NPAS3: variants seen among roughly 807,000 people sequenced by gnomAD.
NPAS3 encodes neuronal PAS domain protein 3.
In NPAS3, 14 loss-of-function variants were observed where a neutral mutation model predicts 73.1. The ratio of observed to expected loss-of-function variants is 0.19; its 90% confidence interval spans 0.13 to 0.30. The LOEUF (loss-of-function observed/expected upper bound fraction) is 0.30, where lower values mean the gene tolerates loss of function less well. Among genes scored for constraint, NPAS3 ranks in the 10% least tolerant of loss-of-function variants. The pLI is 1.00. For missense variants in NPAS3, 1,096 were observed against 1,250.0 expected (o/e 0.88, Z 1.86); for synonymous variants, 620 against 541.5 (o/e 1.14, Z -2.01).
intron 4 of NPAS3, among the ~76,000 whole-genome samples, chr14:33,431,386 A>T (rs2048777410): frequency 6.6e-6 from 1 of 152,154 alleles, no homozygotes; most frequent in South Asian, 2.1e-4. Flanking sequence ...AATTACTTAA[A>T]CATAAAAAAT....
At chr14:33,191,252 TATC>T (rs1425163044) in intron 2 of NPAS3, among the ~76,000 whole-genome samples, 1 of 152,216 alleles carries the variant, frequency 6.6e-6, no homozygotes, top group African/African-American at 2.4e-5. Flanking sequence ...TATCAGTAGA[TATC>T]ATAAAGTATT....
At chr14:33,789,852 G>C (rs2063304504) in intron 9 of NPAS3, among the ~76,000 whole-genome samples, 1 of 151,962 alleles carries the variant, frequency 6.6e-6, no homozygotes, top group Admixed American at 6.5e-5. Context: ...GCCTCCCAAA[G>C]TGCTGGGATT....
At chr14:33,034,901 G>A (rs1595286393) in intron 1 of NPAS3, among the ~76,000 whole-genome samples, 1 of 152,206 alleles carries the variant, frequency 6.6e-6, no homozygotes, top group East Asian at 1.9e-4. Context: ...AGCAATTCTG[G>A]TTCTTTGGAA....
intron 3 of NPAS3, among the ~76,000 whole-genome samples, chr14:33,233,333 A>T (rs1156487517): frequency 6.6e-6 from 1 of 152,134 alleles, no homozygotes; most frequent in African/African-American, 2.4e-5. Context: ...AACTAAGTGG[A>T]AATTGAGGGA....
rs553171206 is a variant in NPAS3 at position 32,940,690 on chromosome 14, T to C, written c.50+1324T>C. Among the ~76,000 whole-genome samples, 6 of 152,348 alleles carry C rather than the reference T, an allele frequency of 3.9e-5. No individual in the cohort carries two copies. The South Asian group carries it at 1.2e-3, about 32-fold the overall frequency. On this transcript the variant is annotated intron_variant, in intron 1 of 11. Transcript: ENST00000356141. The stretch of plus-strand genomic sequence containing the variant: ...GTTGCAAGATTTAATTATTATAACA[T>C]AGTTTTATTTTTGATGCAACATAAT...
At chr14:33,395,783 C>A (rs546272977) in intron 4 of NPAS3, among the ~76,000 whole-genome samples, 1 of 152,268 alleles carries the variant, frequency 6.6e-6, no homozygotes, top group East Asian at 1.9e-4. Context: ...TGCTTTCATT[C>A]ATTCATTCAC....
chr14:32,954,648 A>T (rs2036605332), intron 1 of NPAS3, among the ~76,000 whole-genome samples: 1 of 151,868 alleles, frequency 6.6e-6, no homozygotes, highest in African/African-American at 2.4e-5. Flanking sequence ...CCTTCTCCTA[A>T]TCCCAGTATG....
chr14:33,407,143 C>A (rs1396068990), intron 4 of NPAS3, among the ~76,000 whole-genome samples: 2 of 152,136 alleles, frequency 1.3e-5, no homozygotes, highest in Admixed American at 1.3e-4. Flanking sequence ...GTAGGTAATG[C>A]ATTTACATGG....
chr14:33,277,184 C>T lies in NPAS3; in HGVS notation c.385+61758C>T, dbSNP rs559099507. ...ACCAGCCATTAACAAAAGAAAGACC[C>T]TTATTTCTATTTTATAGAGTTGCTT... On this transcript the variant is annotated intron_variant, in intron 3 of 11. Transcript: ENST00000356141. Among the ~76,000 whole-genome samples the T allele has an allele frequency of 3.3e-5, 5 of 152,204 alleles. No homozygotes were observed. In the East Asian group the frequency reaches 9.7e-4, roughly 29 times the overall value.
chr14:33,281,124 C>T (rs943732782), intron 3 of NPAS3, among the ~76,000 whole-genome samples: 5 of 152,042 alleles, frequency 3.3e-5, no homozygotes, highest in African/African-American at 1.2e-4. Flanking sequence ...TTTCTGGGAA[C>T]CATTTGTTTT....
intron 5 of NPAS3, among the ~76,000 whole-genome samples, chr14:33,666,569 A>C (rs568117936): frequency 6.6e-6 from 1 of 152,324 alleles, no homozygotes; most frequent in African/African-American, 2.4e-5. Flanking sequence ...ATCCTAAAGG[A>C]TCTGGAGAAA....
At chr14:33,528,583 C>A (rs763378001) in intron 4 of NPAS3, among the ~76,000 whole-genome samples, 1 of 151,992 alleles carries the variant, frequency 6.6e-6, no homozygotes, top group Non-Finnish European at 1.5e-5. Flanking sequence ...TCTGAGAAAT[C>A]CTTCATGCTT....
chr14:33,319,789 C>G (rs1008625274), intron 3 of NPAS3, among the ~76,000 whole-genome samples: 2 of 152,148 alleles, frequency 1.3e-5, no homozygotes, highest in African/African-American at 4.8e-5. Context: ...GGTTGAGAAA[C>G]CTCACACAGA....
chr14:33,186,880 A>T (rs2045996357), intron 2 of NPAS3, among the ~76,000 whole-genome samples: 1 of 152,164 alleles, frequency 6.6e-6, no homozygotes, highest in Non-Finnish European at 1.5e-5. Flanking sequence ...TTTGGCTGCT[A>T]CAACTGGGGA....
chr14:33,479,638 A>G (rs2051215011), intron 4 of NPAS3, among the ~76,000 whole-genome samples: 1 of 152,180 alleles, frequency 6.6e-6, no homozygotes, highest in South Asian at 2.1e-4. Flanking sequence ...GGCAGCATCA[A>G]AAGAACACCG....
chr14:33,276,255 C>A (rs2140037374), intron 3 of NPAS3, among the ~76,000 whole-genome samples: 1 of 152,172 alleles, frequency 6.6e-6, no homozygotes, highest in South Asian at 2.1e-4. Context: ...ACAAGGAGAA[C>A]ACGGGAGTAG....
chr14:33,544,827 ATGTGTATATATATAT>A (rs2054756869), intron 4 of NPAS3, among the ~76,000 whole-genome samples: 2 of 80,210 alleles, frequency 2.5e-5, no homozygotes, highest in African/African-American at 1.1e-4. Flanking sequence ...TATAATATAT[ATGTGTATATATATAT>A]TATATATATG....
At chr14:33,730,824 G>T (rs2061379883) in intron 6 of NPAS3, among the ~76,000 whole-genome samples, 1 of 152,172 alleles carries the variant, frequency 6.6e-6, no homozygotes, top group Non-Finnish European at 1.5e-5. Context: ...ATTGCAAAAT[G>T]AACCAACACC....
chr14:32,936,413 C>T (rs2035695953), upstream of NPAS3, among the ~76,000 whole-genome samples: 1 of 151,732 alleles, frequency 6.6e-6, no homozygotes, highest in Non-Finnish European at 1.5e-5. Flanking sequence ...TCAGTGATTA[C>T]AGGAATCTTT....
Sources: allele counts gnomAD v4.1 joint callset (sites outside exome capture counted in the v4.1 genomes callset), GRCh38; gene constraint gnomAD v4.1.1; transcripts MANE v1.5; gene names NCBI Gene and HGNC (gene_info 2026-07-23, HGNC 2026-07-21).